The following CTBP2 variants were observed in gnomAD, a reference collection of about 807,000 sequenced individuals.
CTBP2 encodes C-terminal binding protein 2.
A neutral mutation model predicts 80.3 loss-of-function variants in CTBP2; 30 were observed. That is an observed-to-expected ratio of 0.37 (90% CI 0.28 to 0.51). The LOEUF is 0.51. Ranked by LOEUF, CTBP2 falls within the 20% of genes least tolerant of loss-of-function variation. The probability of loss-of-function intolerance (pLI) is 0.93; values close to 1 mark genes in which losing one functional copy is unlikely to be tolerated. For missense variants in CTBP2, 1,212 were observed against 1,375.3 expected (o/e 0.88, Z 1.88); for synonymous variants, 594 against 587.4 (o/e 1.01, Z -0.16).
At chr10:125,134,796 CCCCAGCCTTTCCCT>C (rs1201833715) in intron 1 of CTBP2, among the ~76,000 whole-genome samples, 1 of 35,252 alleles carries the variant, frequency 2.8e-5, no homozygotes, top group Non-Finnish European at 1.0e-4. Context: ...TCCCATCTTC[CCCCAGCCTTTCCCT>C]CCCAGCCTGG....
At chr10:125,136,165 A>G (rs1175791268) in intron 1 of CTBP2, among the ~76,000 whole-genome samples, 3 of 152,174 alleles carry the variant, frequency 2.0e-5, no homozygotes, top group Non-Finnish European at 4.4e-5. Flanking sequence ...CCAGATAAGG[A>G]TGAGAACGAA....
intron 1 of CTBP2, among the ~76,000 whole-genome samples, chr10:125,130,100 T>C (rs1161187656): frequency 6.8e-6 from 1 of 148,006 alleles, no homozygotes; most frequent in African/African-American, 2.5e-5. Flanking sequence ...CAGGCTGGAG[T>C]GTAATAGCAT....
chr10:125,156,801 T>C (rs1860996325), intron 1 of CTBP2, among the ~76,000 whole-genome samples: 1 of 152,236 alleles, frequency 6.6e-6, no homozygotes. Flanking sequence ...TTTGAAACAT[T>C]TTCCAGACTT....
intron 2 of CTBP2, among the ~76,000 whole-genome samples, chr10:125,080,893 G>A (rs748444566): frequency 1.3e-5 from 2 of 151,254 alleles, no homozygotes; most frequent in Non-Finnish European, 2.9e-5. Context: ...GCACAGCGCT[G>A]CCTCCCACAT....
At chr10:125,051,985 G>A (rs537791503) in intron 2 of CTBP2, among the ~76,000 whole-genome samples, 56 of 152,294 alleles carry the variant, frequency 3.7e-4, no homozygotes, top group African/African-American at 1.2e-3. Flanking sequence ...GCACCCCTGC[G>A]GATGCCTTAT....
rs367800001 is a variant in CTBP2 at position 125,007,174 on chromosome 10, T to C, written c.1679-3682A>G. ...GCTGCAACTGGACACATCACGGAAATGACATCAGTGCCTTACTGTTGACAG... is the reference window on the plus strand; with the variant it reads ...GCTGCAACTGGACACATCACGGAAACGACATCAGTGCCTTACTGTTGACAG... On this transcript the variant is annotated intron_variant, in intron 1 of 8. Coordinates refer to ENST00000309035, the MANE Select transcript of CTBP2 (RefSeq NM_022802.3). Among the ~76,000 whole-genome samples, 22 of 152,370 alleles carry C rather than the reference T, an allele frequency of 1.4e-4. No homozygotes were observed. In the South Asian group the frequency reaches 3.7e-3, roughly 26 times the overall value.
chr10:125,064,982 C>T (rs1397731969), intron 2 of CTBP2, among the ~76,000 whole-genome samples: 1 of 152,196 alleles, frequency 6.6e-6, no homozygotes, highest in African/African-American at 2.4e-5. Context: ...AGAATATGCT[C>T]TAATGATTAT....
chr10:125,161,067 T>TTGGG (rs1428754953), upstream of CTBP2: 2 of 107,966 alleles, frequency 1.9e-5, no homozygotes. Flanking sequence ...CTCCTGTTTT[T>TTGGG]GGGGGGGGGG....
At chr10:125,144,325 T>C (rs56016170) in intron 1 of CTBP2, among the ~76,000 whole-genome samples, 11,893 of 152,238 alleles carry the variant, frequency 0.078, 660 homozygotes, top group Middle Eastern at 0.13. Context: ...GGAGAACCAG[T>C]TCGGATCTCG....
At chr10:125,154,646 C>T (rs1360994112) in intron 1 of CTBP2, among the ~76,000 whole-genome samples, 11 of 69,190 alleles carry the variant, frequency 1.6e-4, no homozygotes, top group Admixed American at 1.4e-3. Context: ...CACCGAGTGT[C>T]GTTGCTAAAA....
chr10:125,032,250 G>A (rs1269552088), upstream of CTBP2, among the ~76,000 whole-genome samples: 2 of 152,124 alleles, frequency 1.3e-5, no homozygotes, highest in South Asian at 2.1e-4. Flanking sequence ...GGCACAAGAC[G>A]CTCCGCACAG....
chr10:125,065,415 A>C (rs1286260381), intron 2 of CTBP2, among the ~76,000 whole-genome samples: 2 of 152,224 alleles, frequency 1.3e-5, no homozygotes, highest in African/African-American at 4.8e-5. Context: ...TGCAGCTCAT[A>C]CCTGACTGTC....
intron 1 of CTBP2, among the ~76,000 whole-genome samples, chr10:125,007,832 C>CT (rs560374852): frequency 6.6e-6 from 1 of 152,208 alleles, no homozygotes; most frequent in South Asian, 2.1e-4. Context: ...GTTTCTGTTG[C>CT]TTACAGCACA....
At chr10:125,104,903 T>A in intron 2 of CTBP2, among the ~76,000 whole-genome samples, 1 of 152,198 alleles carries the variant, frequency 6.6e-6, no homozygotes, top group East Asian at 1.9e-4. Flanking sequence ...CACGTCCTTC[T>A]TTCTCCCCTT....
At chr10:125,015,423 G>A (rs1956372339) in intron 1 of CTBP2, among the ~76,000 whole-genome samples, 1 of 152,360 alleles carries the variant, frequency 6.6e-6, no homozygotes, top group South Asian at 2.1e-4. Context: ...AGCAGGAAAC[G>A]TGACGTCTGT....
At chr10:125,084,093 T>A (rs908459892) in intron 2 of CTBP2, among the ~76,000 whole-genome samples, 12 of 152,206 alleles carry the variant, frequency 7.9e-5, no homozygotes, top group African/African-American at 2.9e-4. Context: ...AGCTACGTTT[T>A]TTGATTTTTT....
In CTBP2 at chr10:124,984,764, C is replaced by A. The variant is rs113437172; in HGVS notation, c.*4754G>T. 4,615 of 1,611,060 alleles carry A rather than the reference C, an allele frequency of 2.9e-3. 116 individuals are homozygous for A. The African/African-American group carries it at 0.053, about 19-fold the overall frequency. ...ATGATTTTCCCTTTGTCTTCATATTCCTCCAAAAGCTAGGTAATGAGGAAC... is the reference window on the plus strand; with the variant it reads ...ATGATTTTCCCTTTGTCTTCATATTACTCCAAAAGCTAGGTAATGAGGAAC... On this transcript the variant is annotated 3_prime_UTR_variant, in exon 9 of 9. Transcript: ENST00000309035.
intron 2 of CTBP2, among the ~76,000 whole-genome samples, chr10:125,058,712 T>G (rs1964429606): frequency 6.6e-6 from 1 of 151,888 alleles, no homozygotes; most frequent in Non-Finnish European, 1.5e-5. Context: ...CCGGCCAACA[T>G]GACGAAACCC....
chr10:125,031,226 T>A (rs1958152622), upstream of CTBP2, among the ~76,000 whole-genome samples: 1 of 152,144 alleles, frequency 6.6e-6, no homozygotes, highest in Non-Finnish European at 1.5e-5. Context: ...CCGTGGCTCA[T>A]GCCTGTAATC....
Sources: allele counts gnomAD v4.1 joint callset (sites outside exome capture counted in the v4.1 genomes callset), GRCh38; gene constraint gnomAD v4.1.1; transcripts MANE v1.5; gene names NCBI Gene and HGNC (gene_info 2026-07-23, HGNC 2026-07-21).